Variants in NPAS2 observed in about 807,000 individuals in gnomAD.
NPAS2 encodes the protein neuronal PAS domain-containing protein 2.
In NPAS2, 23 loss-of-function variants were observed where a neutral mutation model predicts 107.5. The ratio of observed to expected loss-of-function variants is 0.21; its 90% CI spans 0.15 to 0.30. The LOEUF (loss-of-function observed/expected upper bound fraction) is 0.30. Ranked by LOEUF, NPAS2 falls within the 10% of genes least tolerant of loss-of-function variation. The probability of loss-of-function intolerance (pLI) is 1.00; values close to 1 mark genes in which losing one functional copy is unlikely to be tolerated. For synonymous variants in NPAS2, 403 were observed against 417.5 expected (o/e 0.97, Z 0.42); for missense variants, 756 against 1,043.3 (o/e 0.72, Z 3.79).
chr2:100,982,056 A>T (rs1489378155), intron 15 of NPAS2, among the ~76,000 whole-genome samples, 175 bp from the exon 16 acceptor site: 1 of 152,126 alleles, frequency 6.6e-6, no homozygotes, highest in Non-Finnish European at 1.5e-5. Context: ...GGATGCCCAG[A>T]CCTCATCTGC....
chr2:100,960,887 T>C (rs1675878146), intron 7 of NPAS2, among the ~76,000 whole-genome samples: 1 of 152,030 alleles, frequency 6.6e-6, no homozygotes. Flanking sequence ...GCACTTGTTG[T>C]GTGCTCAGAG....
At chr2:100,927,780 TCAAA>T (rs2104911507) in intron 3 of NPAS2, among the ~76,000 whole-genome samples, 2 of 152,306 alleles carry the variant, frequency 1.3e-5, no homozygotes, top group African/African-American at 4.8e-5. Context: ...TTCCTCTCCT[TCAAA>T]CACTTTTACC....
chr2:100,853,739 C>T (rs999739656), intron 1 of NPAS2, among the ~76,000 whole-genome samples: 1 of 152,036 alleles, frequency 6.6e-6, no homozygotes, highest in Non-Finnish European at 1.5e-5. Context: ...CAAAGGGGAG[C>T]CCCAGGGGCA....
chr2:100,845,086 A>T (rs1408266281), intron 1 of NPAS2, among the ~76,000 whole-genome samples: 1 of 152,162 alleles, frequency 6.6e-6, no homozygotes, highest in African/African-American at 2.4e-5. Context: ...GGCTGTTGGC[A>T]TGGGGGAGCT....
chr2:100,975,248 G>A (rs34509802), intron 13 of NPAS2: 87,454 of 594,374 alleles, frequency 0.15, 7,181 homozygotes, highest in Non-Finnish European at 0.18. Flanking sequence ...CCAAGCAGCC[G>A]AAATGAAGTT....
intron 7 of NPAS2, among the ~76,000 whole-genome samples, chr2:100,954,064 T>C (rs1208978082): frequency 1.3e-5 from 2 of 152,074 alleles, no homozygotes; most frequent in African/African-American, 4.8e-5. Context: ...GGAACCTTTA[T>C]TGTCGATTCC....
intron 7 of NPAS2, among the ~76,000 whole-genome samples, chr2:100,955,913 T>C (rs1459418981): frequency 6.6e-6 from 1 of 152,086 alleles, no homozygotes. Flanking sequence ...GTTTGTTTGT[T>C]TGTTTTTTTG....
rs371932771 is a variant in NPAS2, at chr2:100,974,939, C to T, written c.1277C>T (p.Pro426Leu). 11 of 1,613,788 alleles carry T rather than the reference C, an allele frequency of 6.8e-6. No homozygotes were observed. In the African/African-American group the frequency reaches 1.5e-4, roughly 22 times the overall value. ...TCCTCGCACACAGCCATGTCAGAAC[C>T]CACCTGTGAGTGCGAGTCCATGGAT... ...HKSSHTAMSE[P>L]TSTPTKLMAE... is the part of the protein sequence containing the mutation. The change falls in exon 13 of 21, where the codon CCC (proline) becomes CTC (leucine). Residue 426 changes from proline (P) to leucine (L), a missense_variant. Pro to Leu is a moderately conservative substitution (Grantham distance 98, BLOSUM62 -3). Transcript: ENST00000335681.
chr2:100,933,154 T>C (rs1684073722), intron 4 of NPAS2, among the ~76,000 whole-genome samples, 153 bp downstream of exon 4: 1 of 152,230 alleles, frequency 6.6e-6, no homozygotes, highest in South Asian at 2.1e-4. Flanking sequence ...CTCTGCCTGC[T>C]GTTGCCTATG....
intron 1 of NPAS2, among the ~76,000 whole-genome samples, chr2:100,869,456 TCTG>T (rs1379855517): frequency 6.6e-6 from 1 of 152,318 alleles, no homozygotes; most frequent in South Asian, 2.1e-4. Context: ...TTGTGTTTGT[TCTG>T]CTACACACCT....
At position 100,921,790 on chromosome 2, in the gene NPAS2, T is replaced by TA. The variant is rs1244042023; in HGVS notation, c.33-3355dup. Among the ~76,000 whole-genome samples, 4 of 152,282 alleles carry TA rather than the reference T, an allele frequency of 2.6e-5. No homozygotes were observed. The East Asian group carries it at 7.7e-4, about 29-fold the overall frequency. On this transcript the variant is annotated intron_variant, in intron 2 of 20. Transcript: ENST00000335681. The stretch of plus-strand genomic sequence containing the variant: ...CAGCCGTGTCTTATCAGGTTAAACA[T>TA]ACGCTTAGCAGATGACCCAGCAATT...
intron 1 of NPAS2, among the ~76,000 whole-genome samples, chr2:100,838,003 A>G (rs1268237757): frequency 1.3e-5 from 2 of 152,122 alleles, no homozygotes; most frequent in African/African-American, 4.8e-5. Flanking sequence ...GCCTTCTGTC[A>G]TGAGGTCACC....
intron 1 of NPAS2, among the ~76,000 whole-genome samples, chr2:100,887,731 T>A (rs1231474923): frequency 1.3e-5 from 2 of 152,024 alleles, no homozygotes; most frequent in Non-Finnish European, 2.9e-5. Context: ...GTTTTCCTCT[T>A]ACCCGGGTCC....
At chr2:100,934,723 TCTC>T (rs1258903279) in intron 4 of NPAS2, 1 of 926,700 alleles carries the variant, frequency 1.1e-6, no homozygotes, top group East Asian at 1.2e-4. Flanking sequence ...CCTTCTAGCA[TCTC>T]CTCCCTGGTG....
chr2:100,868,500 G>T (rs1367709043), intron 1 of NPAS2, among the ~76,000 whole-genome samples: 1 of 152,156 alleles, frequency 6.6e-6, no homozygotes, highest in Non-Finnish European at 1.5e-5. Flanking sequence ...GCTTGGGGTT[G>T]TTAGGCTTCC....
chr2:100,988,111 C>T lies in NPAS2; in HGVS notation c.1662C>T (p.Ser554=), dbSNP rs149867286. 2.5e-6 allele frequency: 4 copies of T among 1,614,212 alleles called. No individual in the cohort carries two copies. In the African/African-American group the frequency reaches 5.3e-5, roughly 22 times the overall value. ...TGCAGCAGCCAGCTGTATCCCTGAG[C>T]TTCAGCAGCACCCAGCGACCTGAGG... ...MFLQQPAVSL[S]FSSTQRPEAQ... Residue 554 remains serine (S), a synonymous_variant, in exon 17 of 21, where the codon AGC becomes AGT. Coordinates refer to ENST00000335681, the MANE Select transcript of NPAS2 (RefSeq NM_002518.4).
At position 100,909,023 on chromosome 2, in the gene NPAS2, G is replaced by A. The variant is rs77382966; in HGVS notation, c.32+4237G>A. Among the ~76,000 whole-genome samples the A allele has an allele frequency of 4.7e-4, 71 of 152,348 alleles. 1 individual carries two copies. In the East Asian group the frequency reaches 9.6e-3, roughly 21 times the overall value. On this transcript the variant is annotated intron_variant, in intron 2 of 20. Transcript: ENST00000335681. ...AAACATAAGCAAACAAGAAGCCTACGCATGCCATTTTGCAGAAGCAGATAT... is the reference window on the plus strand; with the variant it reads ...AAACATAAGCAAACAAGAAGCCTACACATGCCATTTTGCAGAAGCAGATAT...
At chr2:100,983,699 G>C (rs1056482458) in intron 16 of NPAS2, 1 of 152,246 alleles carries the variant, frequency 6.6e-6, no homozygotes, top group African/African-American at 2.4e-5. Flanking sequence ...CCAGAAAAAG[G>C]CTCGGCCTTC....
chr2:100,965,596 C>A lies in NPAS2; in HGVS notation c.801-64C>A. 1 of 1,024,098 alleles carries A rather than the reference C, an allele frequency of 9.8e-7. No individual in the cohort carries two copies. The highest frequency in any genetic ancestry group is 1.5e-6 in the Non-Finnish European group (1 of 662,322). 63.4% of individuals were successfully genotyped at this position (1,024,098 alleles called of 1,614,324 possible). The stretch of plus-strand genomic sequence containing the variant: ...TGTTGATCATTATGGAAAGGCATGG[C>A]CACCAGGGTGAGCCCTGCAGGGTGT... On this transcript the variant is annotated intron_variant, in intron 9 of 20. Transcript: ENST00000335681. The surrounding 1 kb of genome is among the most constrained non-coding windows in gnomAD (Gnocchi z 4.3).
Sources: gnomAD v4.1 joint callset for allele counts (sites outside exome capture counted in the v4.1 genomes callset) on GRCh38, gnomAD v4.1.1 for gene constraint, Gnocchi (gnomAD v3.1) non-coding constraint, MANE v1.5 for transcripts, NCBI Gene and HGNC (gene_info 2026-07-23, HGNC 2026-07-21) for gene names.